SLC35A1: variants seen among roughly 807,000 people sequenced by gnomAD.
The protein encoded by SLC35A1 is CMP-sialic acid transporter.
Under a neutral mutation model 40.3 loss-of-function variants are expected in SLC35A1, and 21 were observed. The observed-to-expected ratio is 0.52, with a 90% CI of 0.37 to 0.75. The LOEUF (loss-of-function observed/expected upper bound fraction) is 0.75, where lower values mean the gene tolerates loss of function less well. SLC35A1 is among the 30% of genes least tolerant of loss of function. The pLI, the probability that SLC35A1 is intolerant of heterozygous loss-of-function variation, is 0.00. For synonymous variants in SLC35A1, 146 were observed against 147.3 expected, an observed-to-expected ratio of 0.99 and a Z score of 0.06; for missense variants, 297 against 382.1, an observed-to-expected ratio of 0.78 and a Z score of 1.86.
rs1053648083 is a variant in SLC35A1 at position 87,511,900 on chromosome 6, T to TAA, written c.*375_*376dup. On this transcript the variant is annotated 3_prime_UTR_variant, in exon 8 of 8. Coordinates refer to ENST00000369552, the MANE Select transcript of SLC35A1 (RefSeq NM_006416.5). ...TAAAGTGCCAAAGCCATTTCTGTAC[T>TAA]AACTGTTCTCTTGTTCCGGTACCGG... 1 of 296,338 alleles carries TAA rather than the reference T, an allele frequency of 3.4e-6. No homozygotes were observed. The highest frequency in any genetic ancestry group is 6.5e-6 in the Non-Finnish European group (1 of 152,908). 18.4% of individuals were successfully genotyped at this position (296,338 alleles called of 1,614,324 possible).
In SLC35A1 at chr6:87,511,646, G is replaced by C; in HGVS notation, c.*120G>C. On this transcript the variant is annotated 3_prime_UTR_variant, in exon 8 of 8. Transcript: ENST00000369552. ...ATTAACTGTATGGCATGATCAGTGC[G>C]GTTATGTGGAAACAACAACAAACAA... 1 of 1,103,444 alleles carries C rather than the reference G, an allele frequency of 9.1e-7. No homozygotes were observed. Among genetic ancestry groups the C allele is most frequent in the Admixed American group, 1.7e-5 (1 of 58,464 alleles). The allele number at this position is 1,103,444 out of a possible 1,614,324, so 68.4% of individuals were successfully genotyped here. A position where few individuals can be genotyped will look rare whatever the true frequency, so the allele number is the denominator to read the frequency against.
intron 2 of SLC35A1, among the ~76,000 whole-genome samples, chr6:87,492,545 AT>A (rs59459204): frequency 0.35 from 40,106 of 114,884 alleles, 5,266 homozygotes; most frequent in African/African-American, 0.42. Flanking sequence ...ATTTATCTTG[AT>A]TTTTTTTTTT....
chr6:87,492,134 TTATA>T (rs1162516397), intron 2 of SLC35A1, among the ~76,000 whole-genome samples: 1 of 152,222 alleles, frequency 6.6e-6, no homozygotes, highest in Non-Finnish European at 1.5e-5. Flanking sequence ...GGACATTCTC[TTATA>T]TATAATCAAT....
rs1407721201 is a variant in SLC35A1, at chr6:87,511,362, C to T, written c.887-37C>T. On this transcript the variant is annotated intron_variant, in intron 7 of 7. Transcript: ENST00000369552. ...CTGATCATTAGGCATTTTAAAGACA[C>T]ACATACAGATAAAGCTATTTTTTTT... 10 of 1,609,780 alleles carry T rather than the reference C, an allele frequency of 6.2e-6. No individual in the cohort carries two copies. The African/African-American group carries it at 1.2e-4, about 19-fold the overall frequency.
chr6:87,508,343 G>A, intron 5 of SLC35A1, 77 bp from the exon 6 acceptor site: 1 of 928,624 alleles, frequency 1.1e-6, no homozygotes, highest in Middle Eastern at 3.3e-4. Context: ...ATATCTCTAG[G>A]GTATTGTTCT....
intron 2 of SLC35A1, among the ~76,000 whole-genome samples, chr6:87,498,764 C>T (rs557869315): frequency 2.5e-4 from 38 of 151,910 alleles, no homozygotes; most frequent in South Asian, 1.2e-3. Flanking sequence ...AGAAAGACTC[C>T]GTCTCAAAAA....
At position 87,508,438 on chromosome 6, in the gene SLC35A1, TTTTA is replaced by T. The variant is rs1770153529; in HGVS notation, c.594_597del (p.Leu199ArgfsTer9). 6.2e-7 allele frequency: 1 copy of T among 1,607,498 alleles called. No homozygotes were observed. The highest frequency in any genetic ancestry group is 1.3e-5 in the African/African-American group (1 of 74,792). On this transcript the variant is annotated frameshift_variant, in exon 6 of 8. Coordinates refer to ENST00000369552, the MANE Select transcript of SLC35A1 (RefSeq NM_006416.5). LOFTEE classifies it high-confidence loss of function. ...CTTTCAGGAGTATATTTTGAAAAAG[TTTTA>T]AAGAGTTCAGATACTTCTCTTTGGG...
intron 1 of SLC35A1, among the ~76,000 whole-genome samples, chr6:87,475,265 A>G (rs1277724304): frequency 1.3e-5 from 2 of 152,250 alleles, no homozygotes; most frequent in Admixed American, 6.5e-5. Flanking sequence ...TTTTTTATCA[A>G]CCATTTAAAA....
intron 2 of SLC35A1, among the ~76,000 whole-genome samples, chr6:87,489,685 G>A (rs1044709976): frequency 2.6e-5 from 4 of 151,910 alleles, no homozygotes; most frequent in Non-Finnish European, 5.9e-5. Context: ...GGGACTACAG[G>A]CATGTGCCAC....
At position 87,509,032 on chromosome 6, in the gene SLC35A1, G is replaced by C. The variant is rs777227478; in HGVS notation, c.752-9G>C. On this transcript the variant is annotated splice_polypyrimidine_tract_variant and intron_variant, in intron 6 of 7. Transcript: ENST00000369552. ...GAGTGATAAGATTTTATTTCTCTCT[G>C]TATACAAGTTCTTGCAAGTGTTGGT... 1.9e-6 allele frequency: 3 copies of C among 1,613,768 alleles called. No homozygotes were observed. Among genetic ancestry groups the C allele is most frequent in the Non-Finnish European group, 2.5e-6 (3 of 1,179,728 alleles).
chr6:87,508,282 A>G (rs1182568966), intron 5 of SLC35A1, 138 bp from the exon 6 acceptor site: 1 of 628,740 alleles, frequency 1.6e-6, no homozygotes, highest in East Asian at 2.8e-5. Flanking sequence ...CCTACATAAT[A>G]AATGCACATT....
intron 6 of SLC35A1, 150 bp downstream of exon 6, chr6:87,508,746 TTTGA>T (rs1438904391): frequency 3.5e-6 from 3 of 863,984 alleles, no homozygotes; most frequent in South Asian, 3.4e-5. Flanking sequence ...TTGACTTAGT[TTTGA>T]TTGTGAAGGC....
In SLC35A1 at chr6:87,511,386, T is replaced by C; in HGVS notation, c.887-13T>C. On this transcript the variant is annotated splice_polypyrimidine_tract_variant and intron_variant, in intron 7 of 7. Transcript: ENST00000369552. ...ACACATACAGATAAAGCTATTTTTT[T>C]TTTTCTTTTCAGCACTCACCTTTGC... 6.2e-7 allele frequency: 1 copy of C among 1,613,526 alleles called. No individual in the cohort carries two copies. The highest frequency in any genetic ancestry group is 1.1e-5 in the South Asian group (1 of 91,068).
At chr6:87,499,756 C>G (rs1769860635) in intron 2 of SLC35A1, among the ~76,000 whole-genome samples, 1 of 149,534 alleles carries the variant, frequency 6.7e-6, no homozygotes, top group Non-Finnish European at 1.5e-5. Context: ...CTGACTCTTC[C>G]TAACCCACTT....
intron 2 of SLC35A1, among the ~76,000 whole-genome samples, chr6:87,497,874 A>G (rs971191009): frequency 1.3e-5 from 2 of 148,664 alleles, no homozygotes; most frequent in Non-Finnish European, 3.0e-5. Flanking sequence ...GATGATAGGC[A>G]TGTGCCACCA....
chr6:87,480,199 G>A (rs1026961559), intron 2 of SLC35A1, among the ~76,000 whole-genome samples: 1 of 152,220 alleles, frequency 6.6e-6, no homozygotes, highest in African/African-American at 2.4e-5. Context: ...AGGTAAAATT[G>A]GTTTTGGAAG....
intron 2 of SLC35A1, among the ~76,000 whole-genome samples, chr6:87,490,184 G>C (rs954794019): frequency 1.3e-5 from 2 of 151,830 alleles, no homozygotes; most frequent in Non-Finnish European, 1.5e-5. Context: ...AGCTGAGATT[G>C]TACCACTGTA....
intron 2 of SLC35A1, chr6:87,488,143 A>C (rs1026943889): frequency 6.6e-6 from 1 of 152,146 alleles, no homozygotes; most frequent in Non-Finnish European, 1.5e-5. Context: ...GAGACATCCA[A>C]ATGGGCAGTT....
Position 87,512,297 on chromosome 6 carries a change from T to C in SLC35A1, c.*771T>C, listed in dbSNP as rs1770313188. 1 of 152,660 alleles carries C rather than the reference T, an allele frequency of 6.6e-6. No homozygotes were observed. Among genetic ancestry groups the C allele is most frequent in the South Asian group, 2.1e-4 (1 of 4,832 alleles). The allele number at this position is 152,660 out of a possible 1,614,324, so 9.5% of individuals were successfully genotyped here. On this transcript the variant is annotated 3_prime_UTR_variant, in exon 8 of 8. Coordinates refer to ENST00000369552, the MANE Select transcript of SLC35A1 (RefSeq NM_006416.5). ...TGAAATTTCAGTGTTTTCTATAATG[T>C]TAATGGGGAAATTCAGCAATAAACT...
Sources: allele counts gnomAD v4.1 joint callset (sites outside exome capture counted in the v4.1 genomes callset), GRCh38; gene constraint gnomAD v4.1.1; transcripts MANE v1.5; gene names NCBI Gene and HGNC (gene_info 2026-07-23, HGNC 2026-07-21).